VWA5A: variants seen among roughly 807,000 people sequenced by gnomAD.
VWA5A encodes the protein von Willebrand factor A domain-containing protein 5A.
Under a neutral mutation model 84.6 loss-of-function variants are expected in VWA5A, and 77 were observed. The ratio of observed to expected loss-of-function variants is 0.91; its 90% CI spans 0.76 to 1.10. The LOEUF (loss-of-function observed/expected upper bound fraction) is 1.10, where lower values mean the gene tolerates loss of function less well. VWA5A is among the 50% of genes least tolerant of loss of function. VWA5A has a pLI of 0.00. For synonymous variants in VWA5A, 334 were observed against 350.1 expected, an observed-to-expected ratio of 0.95 and a Z score of 0.51; for missense variants, 973 against 963.0, an observed-to-expected ratio of 1.01 and a Z score of -0.14.
At chr11:124,119,736 G>C (rs931552201) in intron 7 of VWA5A, among the ~76,000 whole-genome samples, 2 of 152,172 alleles carry the variant, frequency 1.3e-5, no homozygotes, top group African/African-American at 4.8e-5. Flanking sequence ...CTAAAATAGT[G>C]TATATTGACA....
intron 10 of VWA5A, 104 bp downstream of exon 10, chr11:124,123,908 C>A: frequency 7.1e-7 from 1 of 1,406,728 alleles, no homozygotes; most frequent in Non-Finnish European, 9.4e-7. Flanking sequence ...GTTTGCAATT[C>A]ACAGTCTTCT....
chr11:124,132,663 A>T (rs1007500849), intron 11 of VWA5A, among the ~76,000 whole-genome samples: 3 of 152,108 alleles, frequency 2.0e-5, no homozygotes, highest in African/African-American at 7.2e-5. Context: ...TGCACTGGAT[A>T]TTTATCAATT....
At chr11:124,144,987 T>C (rs566695808) in intron 17 of VWA5A, among the ~76,000 whole-genome samples, 39 of 152,266 alleles carry the variant, frequency 2.6e-4, no homozygotes, top group African/African-American at 9.1e-4. Flanking sequence ...GTCTTAGGGG[T>C]TTCCAGAACC....
At chr11:124,119,767 T>G (rs1173026613) in intron 7 of VWA5A, among the ~76,000 whole-genome samples, 1 of 152,184 alleles carries the variant, frequency 6.6e-6, no homozygotes, top group African/African-American at 2.4e-5. Flanking sequence ...ATTGGACAAA[T>G]GACCTCCAAA....
At chr11:124,141,897 C>T (rs1158965009) in intron 16 of VWA5A, among the ~76,000 whole-genome samples, 156 bp downstream of exon 16, 1 of 152,206 alleles carries the variant, frequency 6.6e-6, no homozygotes, top group Non-Finnish European at 1.5e-5. Context: ...CCTCCACCCA[C>T]AGAACCAGCC....
intron 7 of VWA5A, among the ~76,000 whole-genome samples, chr11:124,120,109 A>G (rs1170159512): frequency 6.6e-6 from 1 of 152,098 alleles, no homozygotes; most frequent in Non-Finnish European, 1.5e-5. Context: ...AACCATCACC[A>G]CCCTTCATCT....
chr11:124,123,600 A>T lies in VWA5A; in HGVS notation c.1020-60A>T. ...TTAATGGGGGTTTCTCAATTCAGGG[A>T]CTCTATACTGGGCAAGGTTAAGTAA... On this transcript the variant is annotated intron_variant, in intron 9 of 18. Transcript: ENST00000456829. The T allele has an allele frequency of 1.1e-5, 18 of 1,613,402 alleles. No individual in the cohort carries two copies. The South Asian group carries it at 2.0e-4, about 18-fold the overall frequency.
At chr11:124,140,615 C>A (rs12295578) in intron 15 of VWA5A, among the ~76,000 whole-genome samples, 13,038 of 152,010 alleles carry the variant, frequency 0.086, 568 homozygotes, top group South Asian at 0.1. Context: ...AGACATGCAC[C>A]ACCATGCCTG....
intron 7 of VWA5A, among the ~76,000 whole-genome samples, chr11:124,122,395 C>T (rs1391516379): frequency 1.3e-5 from 2 of 152,192 alleles, no homozygotes; most frequent in Admixed American, 6.5e-5. Context: ...CTCAGTGTTT[C>T]CCTTTCTTCT....
chr11:124,131,943 G>A (rs1028468656), intron 11 of VWA5A, among the ~76,000 whole-genome samples: 2 of 151,928 alleles, frequency 1.3e-5, no homozygotes, highest in Non-Finnish European at 2.9e-5. Context: ...GGTGTTTGCT[G>A]TAAGGGTTTC....
At chr11:124,134,798 G>T in intron 11 of VWA5A, 122 bp from the exon 12 acceptor site, 1 of 622,800 alleles carries the variant, frequency 1.6e-6, no homozygotes. Flanking sequence ...GTAAATGGTA[G>T]CTGTTACACT....
At chr11:124,117,982 C>T in intron 4 of VWA5A, 107 bp downstream of exon 4, 1 of 1,402,864 alleles carries the variant, frequency 7.1e-7, no homozygotes, top group Non-Finnish European at 9.7e-7. Context: ...ACAAAACATG[C>T]TGATGTTGAA....
intron 12 of VWA5A, among the ~76,000 whole-genome samples, chr11:124,135,437 A>T (rs997941438): frequency 6.6e-6 from 1 of 151,154 alleles, no homozygotes; most frequent in Admixed American, 6.6e-5. Context: ...AATAATCATG[A>T]TATGTCTAAT....
At chr11:124,118,761 G>T in intron 6 of VWA5A, 53 bp downstream of exon 6, 2 of 1,566,336 alleles carry the variant, frequency 1.3e-6, no homozygotes, top group South Asian at 2.3e-5. Context: ...CTTGAGTCTT[G>T]ACTTGGTCCC....
intron 11 of VWA5A, among the ~76,000 whole-genome samples, chr11:124,130,765 C>G (rs1258973779): frequency 6.6e-6 from 1 of 151,776 alleles, no homozygotes; most frequent in East Asian, 1.9e-4. Flanking sequence ...TCAAAAAGCC[C>G]TTGAAGAAAT....
At position 124,118,543 on chromosome 11, in the gene VWA5A, G is replaced by C; in HGVS notation, c.480G>C (p.Lys160Asn). 6.2e-7 allele frequency: 1 copy of C among 1,614,116 alleles called. No homozygotes were observed. ...NPRYQFSGSS[K>N]DSCLNVKTPI... ...GGTCATCTTTTATAGGGTCGTCTAAGGACAGTTGCCTTAATGTGAAGACTC... is the reference window on the plus strand; with the variant it reads ...GGTCATCTTTTATAGGGTCGTCTAACGACAGTTGCCTTAATGTGAAGACTC... Residue 160 changes from lysine (K) to asparagine (N), a missense_variant, in exon 6 of 19, where the codon AAG becomes AAC. Transcript: ENST00000456829.
chr11:124,133,408 G>T (rs1404157599), intron 11 of VWA5A, among the ~76,000 whole-genome samples: 3 of 152,122 alleles, frequency 2.0e-5, no homozygotes, highest in African/African-American at 2.4e-5. Flanking sequence ...TGCTTCAAAG[G>T]GTCAAGGAAC....
intron 7 of VWA5A, among the ~76,000 whole-genome samples, chr11:124,120,083 G>C (rs535676006): frequency 6.6e-6 from 1 of 152,228 alleles, no homozygotes; most frequent in East Asian, 1.9e-4. Context: ...TGGTCTTCAG[G>C]ACATTCACCT....
chr11:124,121,058 T>C (rs1864924543), intron 7 of VWA5A, among the ~76,000 whole-genome samples: 1 of 152,222 alleles, frequency 6.6e-6, no homozygotes, highest in Admixed American at 6.5e-5. Flanking sequence ...GATGACTTGC[T>C]GTTCTCATCC....
Sources: gnomAD v4.1 joint callset for allele counts (sites outside exome capture counted in the v4.1 genomes callset) on GRCh38, gnomAD v4.1.1 for gene constraint, MANE v1.5 for transcripts, NCBI Gene and HGNC (gene_info 2026-07-23, HGNC 2026-07-21) for gene names.